NUP160: variants seen among roughly 807,000 people sequenced by gnomAD.
The protein encoded by NUP160 is nuclear pore complex protein Nup160.
A neutral mutation model predicts 196.9 loss-of-function variants in NUP160; 94 were observed. The observed-to-expected ratio is 0.48, with a 90% CI of 0.40 to 0.57. The LOEUF (loss-of-function observed/expected upper bound fraction) is 0.57, where lower values mean the gene tolerates loss of function less well. Among genes scored for constraint, NUP160 ranks in the 20% least tolerant of loss-of-function variants. The probability of loss-of-function intolerance (pLI) is 0.00; values close to 1 mark genes in which losing one functional copy is unlikely to be tolerated. For synonymous variants in NUP160, 605 were observed against 619.7 expected (o/e 0.98, Z 0.35); for missense variants, 1,638 against 1,748.3 (o/e 0.94, Z 1.13).
intron 10 of NUP160, among the ~76,000 whole-genome samples, chr11:47,818,852 C>A (rs192488345): frequency 1.5e-4 from 23 of 152,256 alleles, no homozygotes; most frequent in Non-Finnish European, 2.1e-4. Flanking sequence ...CCAATAAACT[C>A]TTGGGATTAA....
rs192819013 is a variant in NUP160 at position 47,809,095 on chromosome 11, C to G, written c.2242-566G>C. 1.5e-4 allele frequency among the ~76,000 whole-genome samples: 23 copies of G among 150,464 alleles called. 1 individual carries two copies. Among genetic ancestry groups the G allele is most frequent in the Admixed American group, 1.5e-3 (22 of 15,100 alleles). On this transcript the variant is annotated intron_variant, in intron 17 of 35. Transcript: ENST00000378460. ...CAGCCTGGGTGACAGAGCAAGACTC[C>G]GTCTTAAAAAAGAAAAAAAAAAATT...
At position 47,801,358 on chromosome 11, in the gene NUP160, G is replaced by GT. The variant is rs543642748; in HGVS notation, c.2895+452dup. 9.2e-4 allele frequency among the ~76,000 whole-genome samples: 138 copies of GT among 150,766 alleles called. No individual in the cohort carries two copies. In the South Asian group the frequency reaches 0.011, roughly 12 times the overall value. On this transcript the variant is annotated intron_variant, in intron 23 of 35. Coordinates refer to ENST00000378460, the Ensembl canonical transcript of NUP160. Reference sequence around the variant, plus strand: ...AAATATGTTTCTTTAATTTCTTTTTGTTTTTTTTTGGAGACGGAGTCTCGC... The same window carrying GT: ...AAATATGTTTCTTTAATTTCTTTTTGTTTTTTTTTTGGAGACGGAGTCTCGC...
chr11:47,791,934 G>A (rs748920013), exon 29 of NUP160: 1 of 1,609,934 alleles, frequency 6.2e-7, no homozygotes. Flanking sequence ...ACTCACTGGG[G>A]GCAGCTGTGC....
intron 9 of NUP160, 136 bp from the exon 10 acceptor site, chr11:47,819,594 A>T (rs1048507964): frequency 2.3e-5 from 11 of 484,770 alleles, no homozygotes; most frequent in African/African-American, 1.8e-4. Context: ...TATTAAAAAC[A>T]TTTTTTTTTA....
intron 32 of NUP160, 138 bp downstream of exon 32, chr11:47,786,315 A>G (rs750440655): frequency 2.7e-5 from 14 of 514,000 alleles, no homozygotes; most frequent in Non-Finnish European, 4.2e-5. Context: ...TTAATTATAA[A>G]CTTTCCAGCC....
chr11:47,819,804 T>C lies in NUP160; in HGVS notation c.1278-346A>G, dbSNP rs149939310. On this transcript the variant is annotated intron_variant, in intron 9 of 35. Coordinates refer to ENST00000378460, the Ensembl canonical transcript of NUP160. ...TCTGCATTTATTATTTGCTAGATAT[T>C]ATGCTAGATGCAGTTTTAGACATTA... is the stretch of plus-strand genomic sequence containing the variant. Among the ~76,000 whole-genome samples, 1,069 of 152,350 alleles carry C rather than the reference T, an allele frequency of 7.0e-3. 4 individuals carry two copies. The highest frequency in any genetic ancestry group is 0.012 in the Non-Finnish European group (803 of 68,038).
intron 23 of NUP160, among the ~76,000 whole-genome samples, chr11:47,801,557 C>T (rs2097674187): frequency 6.6e-6 from 1 of 152,118 alleles, no homozygotes; most frequent in Admixed American, 6.6e-5. Context: ...GGCATGTTGG[C>T]CAGGCTGGTC....
intron 34 of NUP160, among the ~76,000 whole-genome samples, chr11:47,782,303 AATATATATATATATAT>A (rs10529981): frequency 4.2e-4 from 17 of 40,522 alleles, no homozygotes; most frequent in African/African-American, 1.2e-3. Flanking sequence ...AAAAAAAAAA[AATATATATATATATAT>A]ATATATATAT....
Position 47,839,805 on chromosome 11 carries a change from T to C in NUP160, c.748+38A>G, listed in dbSNP as rs749212502. On this transcript the variant is annotated intron_variant, in intron 4 of 35. Transcript: ENST00000378460. Reference sequence around the variant, plus strand: ...GAACTGTTTCAATGTTAACATTCCTTGTTTAAAGTTAAATCCATGCTCAGT... The same window carrying C: ...GAACTGTTTCAATGTTAACATTCCTCGTTTAAAGTTAAATCCATGCTCAGT... 2.4e-5 allele frequency: 36 copies of C among 1,506,772 alleles called. No homozygotes were observed. The African/African-American group carries it at 4.1e-4, about 17-fold the overall frequency. The allele number at this position is 1,506,772 out of a possible 1,614,324, so 93.3% of individuals were successfully genotyped here.
intron 22 of NUP160, among the ~76,000 whole-genome samples, chr11:47,802,363 G>A (rs2135363361): frequency 6.6e-6 from 1 of 152,226 alleles, no homozygotes; most frequent in African/African-American, 2.4e-5. Context: ...CCTGGTGGGC[G>A]GAGGTTGCAG....
chr11:47,780,093 T>C (rs2097659792), intron 35 of NUP160, among the ~76,000 whole-genome samples: 1 of 152,206 alleles, frequency 6.6e-6, no homozygotes, highest in Non-Finnish European at 1.5e-5. Context: ...ATTAAAAGCT[T>C]TAAAGGATGG....
At position 47,841,017 on chromosome 11, in the gene NUP160, T is replaced by TACAC. The variant is rs59211788; in HGVS notation, c.315-433_315-430dup. On this transcript the variant is annotated intron_variant, in intron 2 of 35. Transcript: ENST00000378460. The stretch of plus-strand genomic sequence containing the variant: ...GCAATAGCATGCATGCGCACACATA[T>TACAC]ACACACACACACACAGAATAGCAAT... 4.5e-4 allele frequency among the ~76,000 whole-genome samples: 68 copies of TACAC among 151,372 alleles called. 1 individual carries two copies. The highest frequency in any genetic ancestry group is 1.3e-3 in the African/African-American group (55 of 41,252).
At chr11:47,814,237 T>TAA (rs2097682936) in intron 13 of NUP160, among the ~76,000 whole-genome samples, 1 of 151,930 alleles carries the variant, frequency 6.6e-6, no homozygotes, top group Non-Finnish European at 1.5e-5. Flanking sequence ...TGATAACAGT[T>TAA]TGAGGTTAAG....
At chr11:47,803,372 T>C (rs1276957233) in intron 22 of NUP160, 66 bp downstream of exon 22, 1 of 954,742 alleles carries the variant, frequency 1.0e-6, no homozygotes, top group Non-Finnish European at 1.7e-6. Flanking sequence ...CCTAGTCAAA[T>C]GGAAGCTAAG....
chr11:47,791,763 G>A (rs2097668040), intron 29 of NUP160, among the ~76,000 whole-genome samples, 167 bp downstream of exon 29: 1 of 152,100 alleles, frequency 6.6e-6, no homozygotes, highest in South Asian at 2.1e-4. Flanking sequence ...TATAATAGGT[G>A]CCTGCAGTTA....
At chr11:47,822,639 T>C (rs984806783) in intron 7 of NUP160, among the ~76,000 whole-genome samples, 3 of 152,076 alleles carry the variant, frequency 2.0e-5, no homozygotes, top group Non-Finnish European at 2.9e-5. Context: ...TTGTTACATA[T>C]GTATACATGT....
rs145426953 is a variant in NUP160 at position 47,838,514 on chromosome 11, C to T, written c.749-891G>A. 8.0e-3 allele frequency among the ~76,000 whole-genome samples: 1,215 copies of T among 152,164 alleles called. 18 individuals are homozygous for T. Among genetic ancestry groups the T allele is most frequent in the African/African-American group, 0.027 (1,131 of 41,504 alleles). On this transcript the variant is annotated intron_variant, in intron 4 of 35. Transcript: ENST00000378460. ...CTTGAGGTCAGGAGTTCGAGACCAG[C>T]CTAGTCAATGTGGCAAAACCCCATC...
chr11:47,808,524 A>C, exon 18 of NUP160: 1 of 1,613,828 alleles, frequency 6.2e-7, no homozygotes, highest in Non-Finnish European at 8.5e-7. Flanking sequence ...CAGTTCCCCA[A>C]ATCACCTATA....
At chr11:47,812,567 C>G in intron 15 of NUP160, 138 bp from the exon 16 acceptor site, 1 of 853,488 alleles carries the variant, frequency 1.2e-6, no homozygotes, top group East Asian at 2.6e-5. Flanking sequence ...ATATAAGATA[C>G]AGTCCCTATG....
Sources: allele counts gnomAD v4.1 joint callset (sites outside exome capture counted in the v4.1 genomes callset), GRCh38; gene constraint gnomAD v4.1.1; transcripts MANE v1.5; gene names NCBI Gene and HGNC (gene_info 2026-07-23, HGNC 2026-07-21).